Variants in RHBDL2 observed in about 807,000 individuals in gnomAD.
RHBDL2 encodes the protein rhomboid-related protein 2.
Under a neutral mutation model 31.7 loss-of-function variants are expected in RHBDL2, and 26 were observed. The observed-to-expected ratio is 0.82, with a 90% CI of 0.60 to 1.14. RHBDL2 has a LOEUF of 1.14. Ranked by LOEUF, RHBDL2 falls within the 50% of genes most tolerant of loss-of-function variation. The pLI is 0.00. For synonymous variants in RHBDL2, 123 were observed against 127.2 expected (o/e 0.97, Z 0.22); for missense variants, 336 against 364.4 (o/e 0.92, Z 0.63).
intron 2 of RHBDL2, among the ~76,000 whole-genome samples, chr1:38,916,218 C>G (rs1483891388): frequency 6.6e-6 from 1 of 152,206 alleles, no homozygotes; most frequent in African/African-American, 2.4e-5. Flanking sequence ...CCTCAACCTT[C>G]TGAGGCTATG....
chr1:38,912,908 ATATGTGTGTGTGTGTG>A (rs1643172870), intron 3 of RHBDL2, among the ~76,000 whole-genome samples: 1 of 35,322 alleles, frequency 2.8e-5, no homozygotes, highest in Non-Finnish European at 6.6e-5. Flanking sequence ...ATATATATAT[ATATGTGTGTGTGTGTG>A]TGTGTGTGTG....
chr1:38,918,371 C>T (rs1643266024), intron 2 of RHBDL2, among the ~76,000 whole-genome samples: 1 of 152,072 alleles, frequency 6.6e-6, no homozygotes, highest in Non-Finnish European at 1.5e-5. Flanking sequence ...AAACTAGGTG[C>T]CACGAGGTAC....
At chr1:38,920,166 C>CTTTTTTTT (rs71057165) in intron 1 of RHBDL2, among the ~76,000 whole-genome samples, 14 of 111,394 alleles carry the variant, frequency 1.3e-4, no homozygotes, top group Admixed American at 2.4e-4. Flanking sequence ...CACATGTTTT[C>CTTTTTTTT]TTTTTTTTTT....
chr1:38,890,385 G>A (rs1196317388), intron 6 of RHBDL2, among the ~76,000 whole-genome samples: 1 of 152,132 alleles, frequency 6.6e-6, no homozygotes, highest in African/African-American at 2.4e-5. Flanking sequence ...GTCTAGGAAA[G>A]TGTTTTTAAA....
intron 4 of RHBDL2, among the ~76,000 whole-genome samples, chr1:38,902,201 CTTTTT>C (rs770169792): frequency 1.1e-5 from 1 of 92,806 alleles, no homozygotes; most frequent in Non-Finnish European, 2.0e-5. Context: ...TTTTCTTTTT[CTTTTT>C]TTTTTTTTTT....
intron 1 of RHBDL2, chr1:38,926,466 C>T (rs571231844): frequency 6.6e-6 from 1 of 152,572 alleles, no homozygotes; most frequent in Non-Finnish European, 1.5e-5. Flanking sequence ...GATTCTGTAA[C>T]TTACTCAATG....
chr1:38,936,586 G>A (rs992691445), intron 1 of RHBDL2, among the ~76,000 whole-genome samples: 6 of 149,042 alleles, frequency 4.0e-5, no homozygotes, highest in East Asian at 2.0e-4. Flanking sequence ...TGCAACCTCC[G>A]CCTCCTAGGT....
intron 4 of RHBDL2, among the ~76,000 whole-genome samples, chr1:38,905,589 GAA>G (rs55769320): frequency 1.4e-5 from 2 of 141,488 alleles, no homozygotes; most frequent in African/African-American, 2.7e-5. Flanking sequence ...GTCTCTACAG[GAA>G]AAAAAAAAAA....
intron 1 of RHBDL2, among the ~76,000 whole-genome samples, chr1:38,932,187 T>C (rs1026073470): frequency 6.6e-6 from 1 of 151,132 alleles, no homozygotes; most frequent in African/African-American, 2.4e-5. Context: ...AGCACAAAAG[T>C]AGGAGTCTCT....
intron 4 of RHBDL2, among the ~76,000 whole-genome samples, chr1:38,907,410 G>A (rs58798079): frequency 0.016 from 2,417 of 152,166 alleles, 59 homozygotes; most frequent in African/African-American, 0.049. Context: ...CATGGTGGTG[G>A]GCGCCTGTAA....
chr1:38,894,155 T>C (rs188966628), intron 5 of RHBDL2, among the ~76,000 whole-genome samples: 4 of 152,268 alleles, frequency 2.6e-5, no homozygotes, highest in African/African-American at 9.6e-5. Flanking sequence ...ACAATAACAC[T>C]GACTTTTTTT....
chr1:38,910,777 T>C (rs113191057), intron 4 of RHBDL2, among the ~76,000 whole-genome samples: 2,478 of 148,564 alleles, frequency 0.017, 56 homozygotes, highest in African/African-American at 0.059. Flanking sequence ...TTTTTTTGTT[T>C]GTTTGTTTGT....
chr1:38,936,379 G>C (rs1453813369), intron 1 of RHBDL2, among the ~76,000 whole-genome samples: 1 of 151,828 alleles, frequency 6.6e-6, no homozygotes, highest in African/African-American at 2.4e-5. Flanking sequence ...CATGACCTTG[G>C]CTCACTCCAA....
At chr1:38,921,169 G>T (rs1643310122) in intron 1 of RHBDL2, among the ~76,000 whole-genome samples, 1 of 152,172 alleles carries the variant, frequency 6.6e-6, no homozygotes, top group South Asian at 2.1e-4. Flanking sequence ...ATCACTTGAG[G>T]TCAGGAGTTT....
At chr1:38,938,299 G>A (rs1643531044) in intron 1 of RHBDL2, among the ~76,000 whole-genome samples, 1 of 152,110 alleles carries the variant, frequency 6.6e-6, no homozygotes, top group African/African-American at 2.4e-5. Context: ...AGAGGCGTGA[G>A]CCACCGCGCC....
intron 1 of RHBDL2, among the ~76,000 whole-genome samples, chr1:38,927,563 T>A (rs1489378850): frequency 6.7e-6 from 1 of 150,090 alleles, no homozygotes; most frequent in Non-Finnish European, 1.5e-5. Context: ...AAAAAGGGCT[T>A]GCCATCTGCC....
At position 38,929,389 on chromosome 1, in the gene RHBDL2, G is replaced by T. The variant is rs773833137; in HGVS notation, c.-125-10052C>A. 146 of 1,288,836 alleles carry T rather than the reference G, an allele frequency of 1.1e-4. 3 individuals are homozygous for T. In the South Asian group the frequency reaches 1.7e-3, roughly 15 times the overall value. 79.8% of individuals were successfully genotyped at this position (1,288,836 alleles called of 1,614,324 possible). On this transcript the variant is annotated intron_variant, in intron 1 of 7. Transcript: ENST00000372990. The stretch of plus-strand genomic sequence containing the variant: ...TTGAGAAGCCAGAGGACTAAATCAG[G>T]CTCACCTTCCCTTCTTCGCCTCACC...
intron 4 of RHBDL2, among the ~76,000 whole-genome samples, chr1:38,904,985 C>T (rs1020730867): frequency 3.2e-4 from 48 of 149,828 alleles, no homozygotes; most frequent in Admixed American, 2.6e-3. Context: ...GAGCCGAGAT[C>T]GCGCCACTGC....
At chr1:38,914,587 G>A (rs1046994618) in intron 3 of RHBDL2, among the ~76,000 whole-genome samples, 1 of 152,080 alleles carries the variant, frequency 6.6e-6, no homozygotes, top group Non-Finnish European at 1.5e-5. Context: ...GAGGAGACTG[G>A]TTATTCAGCA....
Sources: gnomAD v4.1 joint callset for allele counts (sites outside exome capture counted in the v4.1 genomes callset) on GRCh38, gnomAD v4.1.1 for gene constraint, MANE v1.5 for transcripts, NCBI Gene and HGNC (gene_info 2026-07-23, HGNC 2026-07-21) for gene names.